The following RBM26 variants were observed in gnomAD, a reference collection of about 807,000 sequenced individuals.
The protein encoded by RBM26 is RNA binding motif protein 26, also known as RNA-binding protein 26.
In RBM26, 30 loss-of-function variants were observed where a neutral mutation model predicts 123.6. The observed-to-expected ratio is 0.24, with a 90% CI of 0.18 to 0.33. The LOEUF is 0.33. Among genes scored for constraint, RBM26 ranks in the 10% least tolerant of loss-of-function variants. The pLI is 1.00. For synonymous variants in RBM26, 400 were observed against 404.4 expected (o/e 0.99, Z 0.13); for missense variants, 947 against 1,203.6 (o/e 0.79, Z 3.15).
intron 1 of RBM26, among the ~76,000 whole-genome samples, chr13:79,382,312 T>G (rs1380872039): frequency 6.6e-6 from 1 of 152,124 alleles, no homozygotes; most frequent in African/African-American, 2.4e-5. Flanking sequence ...GATAAAAGGT[T>G]TGTAATTTGA....
Position 79,365,583 on chromosome 13 carries a change from G to C in RBM26, c.1412C>G (p.Pro471Arg). The C allele has an allele frequency of 1.2e-6, 2 of 1,610,350 alleles. No individual in the cohort carries two copies. The highest frequency in any genetic ancestry group is 2.2e-5 in the South Asian group (2 of 90,280). Reference protein sequence around the residue: ...GLTSGDMDLPPREKPPNKSSM... With the variant: ...GLTSGDMDLPRREKPPNKSSM... The stretch of plus-strand genomic sequence containing the variant: ...GGAAAGATTAATTATAGTACCTCTG[G>C]GTGGCAAATCCATATCCCCTGATGT... Residue 471 changes from proline to arginine, a missense_variant, in exon 9 of 22, where the codon CCC becomes CGC. By Grantham distance (103) the Pro-to-Arg change is moderately radical. Around this residue, in one of 5 missense-constraint regions of RBM26, gnomAD observed 493 missense variants for 563.1 expected, o/e 0.88. Coordinates refer to ENST00000438737, the MANE Select transcript of RBM26 (RefSeq NM_001366735.2).
chr13:79,313,440 T>G (rs997915962), exon 5 of RBM26: 2 of 151,846 alleles, frequency 1.3e-5, no homozygotes, highest in African/African-American at 4.8e-5. Context: ...GGTAGTGGCA[T>G]GTAGTCCATA....
intron 1 of RBM26, among the ~76,000 whole-genome samples, chr13:79,386,868 G>GAA (rs2077538185): frequency 6.6e-6 from 1 of 151,970 alleles, no homozygotes; most frequent in Non-Finnish European, 1.5e-5. Flanking sequence ...TTATCCAAAA[G>GAA]AAATAGCACT....
chr13:79,375,096 T>TTATATATCATATAAATACATATTTA (rs1555332782), intron 3 of RBM26, among the ~76,000 whole-genome samples: 19 of 95,278 alleles, frequency 2.0e-4, no homozygotes, highest in East Asian at 4.3e-4. Context: ...AAATATATAT[T>TTATATATCATATAAATACATATTTA]TATATATATC....
rs758587059 is a variant in RBM26 at position 79,405,794 on chromosome 13, C to A, written c.-20G>T. The A allele has an allele frequency of 2.0e-6, 3 of 1,498,472 alleles. No homozygotes were observed. Among genetic ancestry groups the A allele is most frequent in the African/African-American group, 1.4e-5 (1 of 70,126 alleles). 92.8% of individuals were successfully genotyped at this position (1,498,472 alleles called of 1,614,324 possible). A position where few individuals can be genotyped will look rare whatever the true frequency, so the allele number is the denominator to read the frequency against. On this transcript the variant is annotated 5_prime_UTR_variant, in exon 1 of 22. Coordinates refer to ENST00000438737, the MANE Select transcript of RBM26 (RefSeq NM_001366735.2). ...AACCATCCACAGCGGCCCTAAGGCC[C>A]GTCACACTCCTCCGCCCGCCCAGGT...
chr13:79,377,864 C>T (rs1038379320), intron 2 of RBM26, among the ~76,000 whole-genome samples: 6 of 151,914 alleles, frequency 3.9e-5, no homozygotes, highest in Non-Finnish European at 7.4e-5. Flanking sequence ...GCCGAGATCG[C>T]GCCACTGCAC....
At chr13:79,393,572 G>C (rs773138875) in intron 1 of RBM26, among the ~76,000 whole-genome samples, 2 of 152,146 alleles carry the variant, frequency 1.3e-5, no homozygotes, top group Non-Finnish European at 2.9e-5. Context: ...ACTTGTAAGA[G>C]ACCTGTACAC....
chr13:79,328,177 A>C (rs2068724378), intron 20 of RBM26, among the ~76,000 whole-genome samples: 1 of 152,252 alleles, frequency 6.6e-6, no homozygotes, highest in South Asian at 2.1e-4. Context: ...AAAACATACC[A>C]GCAAGATTCT....
At chr13:79,328,683 T>TAAAAAAAA (rs747906560) in intron 20 of RBM26, among the ~76,000 whole-genome samples, 18 of 38,462 alleles carry the variant, frequency 4.7e-4, no homozygotes, top group African/African-American at 1.3e-3. Flanking sequence ...CTGCATTAAG[T>TAAAAAAAA]AAAAAAAAAA....
intron 3 of RBM26, among the ~76,000 whole-genome samples, chr13:79,373,315 AATAT>A (rs1250187491): frequency 1.9e-5 from 2 of 107,644 alleles, no homozygotes; most frequent in African/African-American, 3.8e-5. Flanking sequence ...AATATAAATA[AATAT>A]ATATAAATAT....
chr13:79,375,847 T>C (rs2076626349), intron 3 of RBM26, among the ~76,000 whole-genome samples: 2 of 151,720 alleles, frequency 1.3e-5, no homozygotes, highest in South Asian at 2.1e-4. Flanking sequence ...GGAAAAAGCA[T>C]AAAAGGAGAA....
downstream of RBM26, among the ~76,000 whole-genome samples, chr13:79,318,128 G>A (rs867272498): frequency 6.6e-6 from 1 of 151,494 alleles, no homozygotes; most frequent in East Asian, 1.9e-4. Context: ...ATGAACTGGC[G>A]AATGACCAAG....
intron 18 of RBM26, 23 bp from the exon 19 acceptor site, chr13:79,337,325 G>C: frequency 6.2e-7 from 1 of 1,613,192 alleles, no homozygotes; most frequent in Non-Finnish European, 8.5e-7. Context: ...AGACACACAG[G>C]TTAAACAATG....
At chr13:79,402,079 C>T (rs9545103) in intron 1 of RBM26, among the ~76,000 whole-genome samples, 1,510 of 148,236 alleles carry the variant, frequency 0.01, 16 homozygotes, top group Middle Eastern at 0.018. Context: ...GTTTTAAATA[C>T]AGTAGAAAGT....
Position 79,406,045 on chromosome 13 carries a change from T to G in RBM26, c.-271A>C. On this transcript the variant is annotated 5_prime_UTR_variant, in exon 1 of 22. Coordinates refer to ENST00000438737, the MANE Select transcript of RBM26 (RefSeq NM_001366735.2). ...TTGCCCGGGCCCTCCCCCTTCCCTC[T>G]TCCCCAGCAAATCTACCCAGACCGG... The G allele has an allele frequency of 6.5e-5, 16 of 247,702 alleles. No individual in the cohort carries two copies. The highest frequency in any genetic ancestry group is 8.3e-5 in the Non-Finnish European group (11 of 132,566). 15.3% of individuals were successfully genotyped at this position (247,702 alleles called of 1,614,324 possible).
chr13:79,397,626 G>A (rs2078692071), intron 1 of RBM26, among the ~76,000 whole-genome samples: 1 of 136,600 alleles, frequency 7.3e-6, no homozygotes, highest in Admixed American at 8.1e-5. Context: ...AGGCTGCAGT[G>A]AGCTGAGATC....
At chr13:79,372,077 G>A (rs528632577) in intron 3 of RBM26, 147 bp from the exon 4 acceptor site, 10 of 592,918 alleles carry the variant, frequency 1.7e-5, no homozygotes, top group East Asian at 2.9e-5. Context: ...TCGGAAGTTC[G>A]ACACCAGCCT....
At chr13:79,392,793 C>A (rs1230540400) in intron 1 of RBM26, among the ~76,000 whole-genome samples, 29 of 140,014 alleles carry the variant, frequency 2.1e-4, no homozygotes, top group African/African-American at 3.1e-4. Context: ...TTGAGAAGAC[C>A]AAAAAAAAAA....
At chr13:79,375,640 T>C (rs1252232507) in intron 3 of RBM26, among the ~76,000 whole-genome samples, 2 of 152,102 alleles carry the variant, frequency 1.3e-5, no homozygotes, top group East Asian at 3.8e-4. Flanking sequence ...ATGAAATAGG[T>C]TCAGTTATAA....
Sources: allele counts gnomAD v4.1 joint callset (sites outside exome capture counted in the v4.1 genomes callset), GRCh38; gene constraint gnomAD v4.1.1; regional missense constraint gnomAD v4.1.1; transcripts MANE v1.5; gene names NCBI Gene and HGNC (gene_info 2026-07-23, HGNC 2026-07-21).